The following NOL4 variants were observed in gnomAD, a reference collection of about 807,000 sequenced individuals.
NOL4 encodes the protein cancer/testis antigen 125.
In NOL4, 17 loss-of-function variants were observed where a neutral mutation model predicts 75.9. The ratio of observed to expected loss-of-function variants is 0.22; its 90% confidence interval spans 0.15 to 0.34. The LOEUF (loss-of-function observed/expected upper bound fraction) is 0.34. NOL4 is among the 10% of genes least tolerant of loss of function. The pLI, the probability that NOL4 is intolerant of heterozygous loss-of-function variation, is 1.00. For missense variants in NOL4, 614 were observed against 793.5 expected, an observed-to-expected ratio of 0.77 and a Z score of 2.72; for synonymous variants, 292 against 289.9, an observed-to-expected ratio of 1.01 and a Z score of -0.07.
At chr18:34,151,247 G>C (rs2081623628) in intron 1 of NOL4, among the ~76,000 whole-genome samples, 1 of 151,674 alleles carries the variant, frequency 6.6e-6, no homozygotes, top group African/African-American at 2.4e-5. Context: ...AAGTCTACAA[G>C]AACACCTACA....
Position 34,124,581 on chromosome 18 carries a change from C to T in NOL4, c.414+5290G>A, listed in dbSNP as rs114633464. 5.6e-3 allele frequency among the ~76,000 whole-genome samples: 848 copies of T among 152,152 alleles called. 11 individuals carry two copies. Among genetic ancestry groups the T allele is most frequent in the African/African-American group, 0.02 (813 of 41,504 alleles). On this transcript the variant is annotated intron_variant, in intron 2 of 10. Coordinates refer to ENST00000261592, the MANE Select transcript of NOL4 (RefSeq NM_003787.5). ...CTAACTGTCAAACACATACCAAACG[C>T]TATTAGGTGTGATGCCACATTAGGA... is the stretch of plus-strand genomic sequence containing the variant.
intron 1 of NOL4, among the ~76,000 whole-genome samples, chr18:34,155,892 C>G (rs1254157590): frequency 1.3e-5 from 2 of 152,064 alleles, no homozygotes; most frequent in Non-Finnish European, 2.9e-5. Flanking sequence ...CATTTTCTTT[C>G]TAATCACTGT....
At position 34,083,974 on chromosome 18, in the gene NOL4, C is replaced by G. The variant is rs117122003; in HGVS notation, c.772+9491G>C. Among the ~76,000 whole-genome samples the G allele has an allele frequency of 8.8e-3, 1,337 of 152,276 alleles. 6 individuals are homozygous for G. Among genetic ancestry groups the G allele is most frequent in the Middle Eastern group, 0.034 (10 of 294 alleles). ...CACTCTGGACTCTATTCACCTGGGT[C>G]CCTCTTGCCCCTGGAGGTATCACCA... On this transcript the variant is annotated intron_variant, in intron 5 of 10. Transcript: ENST00000261592.
At chr18:34,138,203 A>G (rs1281945146) in intron 1 of NOL4, among the ~76,000 whole-genome samples, 1 of 152,036 alleles carries the variant, frequency 6.6e-6, no homozygotes, top group Non-Finnish European at 1.5e-5. Context: ...CTTGAGCCCA[A>G]GAGTTTTAGA....
At chr18:34,128,519 TTCAGTA>T (rs1176863783) in intron 2 of NOL4, among the ~76,000 whole-genome samples, 3 of 151,856 alleles carry the variant, frequency 2.0e-5, no homozygotes, top group Admixed American at 6.6e-5. Context: ...AATGAGTATG[TTCAGTA>T]ATGTTAGTCT....
At chr18:33,967,912 CCT>C (rs2070736282) in intron 6 of NOL4, among the ~76,000 whole-genome samples, 1 of 151,910 alleles carries the variant, frequency 6.6e-6, no homozygotes, top group East Asian at 1.9e-4. Flanking sequence ...ATGGTGAAAC[CCT>C]GTCTCTACTA....
intron 1 of NOL4, among the ~76,000 whole-genome samples, chr18:34,197,888 A>T (rs1403379276): frequency 6.6e-6 from 1 of 151,982 alleles, no homozygotes; most frequent in Non-Finnish European, 1.5e-5. Flanking sequence ...GATTTATGGG[A>T]CAATATCCAA....
At chr18:34,132,366 A>C (rs1201467608) in intron 1 of NOL4, among the ~76,000 whole-genome samples, 2 of 152,252 alleles carry the variant, frequency 1.3e-5, no homozygotes, top group Non-Finnish European at 2.9e-5. Flanking sequence ...GAGTTAGAGC[A>C]CAGGAGATAC....
intron 1 of NOL4, among the ~76,000 whole-genome samples, chr18:34,136,579 T>C (rs1172216149): frequency 6.6e-6 from 1 of 152,094 alleles, no homozygotes; most frequent in Non-Finnish European, 1.5e-5. Context: ...ATTTCTTTTA[T>C]AAGGGTTTCA....
intron 4 of NOL4, 120 bp downstream of exon 4, chr18:34,103,927 T>C: frequency 1.5e-6 from 1 of 660,074 alleles, no homozygotes; most frequent in East Asian, 2.8e-5. Flanking sequence ...TGTGGTGAGA[T>C]TCATTCATTA....
chr18:33,915,127 A>C (rs1714600255), intron 9 of NOL4, among the ~76,000 whole-genome samples: 1 of 152,150 alleles, frequency 6.6e-6, no homozygotes, highest in South Asian at 2.1e-4. Flanking sequence ...TCTCAAGGAA[A>C]ACAAAGTAAT....
intron 9 of NOL4, among the ~76,000 whole-genome samples, chr18:33,938,203 T>A (rs1003674980): frequency 2.6e-5 from 4 of 152,080 alleles, no homozygotes; most frequent in African/African-American, 9.7e-5. Context: ...TTTTCTTACA[T>A]GTAAATGAGA....
At chr18:33,971,386 G>C (rs1242741381) in intron 6 of NOL4, among the ~76,000 whole-genome samples, 1 of 152,182 alleles carries the variant, frequency 6.6e-6, no homozygotes, top group Non-Finnish European at 1.5e-5. Flanking sequence ...TTCTGTGTAT[G>C]AGAATTTTGC....
intron 9 of NOL4, among the ~76,000 whole-genome samples, chr18:33,906,604 T>C (rs1301909569): frequency 2.6e-5 from 4 of 152,240 alleles, no homozygotes; most frequent in Non-Finnish European, 5.9e-5. Context: ...TGTTGTATCT[T>C]CGGATAATTT....
chr18:34,203,717 T>TCTCTCTCTCTCACACACACA (rs1261546835), intron 1 of NOL4, among the ~76,000 whole-genome samples: 2 of 72,262 alleles, frequency 2.8e-5, no homozygotes, highest in African/African-American at 9.9e-5. Flanking sequence ...TCTCTCTCTC[T>TCTCTCTCTCTCACACACACA]CACACACACA....
chr18:34,048,417 C>A (rs1400842693), intron 5 of NOL4: 8 of 983,320 alleles, frequency 8.1e-6, no homozygotes, highest in Non-Finnish European at 9.7e-6. Context: ...CAATATTCTA[C>A]TCTGGAGGAG....
At chr18:34,157,148 C>T (rs2030564895) in intron 1 of NOL4, 1 of 152,126 alleles carries the variant, frequency 6.6e-6, no homozygotes, top group East Asian at 1.9e-4. Context: ...CTCAGCTCTT[C>T]TTTATCATAT....
chr18:34,067,579 G>C (rs1401671658), intron 5 of NOL4, among the ~76,000 whole-genome samples: 2 of 152,106 alleles, frequency 1.3e-5, no homozygotes, highest in East Asian at 3.9e-4. Context: ...GGAGAAAAGT[G>C]TTCAGATTTT....
intron 9 of NOL4, among the ~76,000 whole-genome samples, chr18:33,932,829 T>C (rs537225636): frequency 6.6e-6 from 1 of 152,178 alleles, no homozygotes; most frequent in East Asian, 1.9e-4. Flanking sequence ...TATACTCTTA[T>C]AAAAAGTATG....
Sources: gnomAD v4.1 joint callset for allele counts (sites outside exome capture counted in the v4.1 genomes callset) on GRCh38, gnomAD v4.1.1 for gene constraint, MANE v1.5 for transcripts, NCBI Gene and HGNC (gene_info 2026-07-23, HGNC 2026-07-21) for gene names.